Variants in CCDC171 observed in about 807,000 individuals in gnomAD.
CCDC171 encodes coiled-coil domain-containing protein 171.
Under a neutral mutation model 168.2 loss-of-function variants are expected in CCDC171, and 177 were observed. The ratio of observed to expected loss-of-function variants is 1.05; its 90% CI spans 0.93 to 1.19. The LOEUF is 1.19. CCDC171 is among the 50% of genes most tolerant of loss of function. The pLI, the probability that CCDC171 is intolerant of heterozygous loss-of-function variation, is 0.00. For synonymous variants in CCDC171, 687 were observed against 540.8 expected (o/e 1.27, Z -3.75); for missense variants, 1,991 against 1,539.0 (o/e 1.29, Z -4.91).
At chr9:15,988,640 C>T (rs1229620760) in intron 3 of CCDC171, among the ~76,000 whole-genome samples, 2 of 152,200 alleles carry the variant, frequency 1.3e-5, no homozygotes, top group Non-Finnish European at 2.9e-5. Flanking sequence ...CATCGCCTCA[C>T]CCGGGAAGCA....
At chr9:15,677,924 AT>A (rs374727580) in intron 9 of CCDC171, among the ~76,000 whole-genome samples, 760 of 24,376 alleles carry the variant, frequency 0.031, 133 homozygotes, top group Middle Eastern at 0.087. Flanking sequence ...ATATATATAT[AT>A]AAGAGATGTG....
rs557146198 is a variant in CCDC171, at chr9:15,623,161, T to C, written c.676-106T>C. ...TTTGCCTATATAAATTAACCTATTATTATAGTTGAAGCACAGATTTAGTTA... is the reference window on the plus strand; with the variant it reads ...TTTGCCTATATAAATTAACCTATTACTATAGTTGAAGCACAGATTTAGTTA... On this transcript the variant is annotated intron_variant, in intron 6 of 25. Coordinates refer to ENST00000380701, the MANE Select transcript of CCDC171 (RefSeq NM_173550.4). The C allele has an allele frequency of 1.7e-5, 12 of 694,266 alleles. No homozygotes were observed. The East Asian group carries it at 2.6e-4, about 15-fold the overall frequency. 43.0% of individuals were successfully genotyped at this position (694,266 alleles called of 1,614,324 possible). A position where few individuals can be genotyped will look rare whatever the true frequency, so the allele number is the denominator to read the frequency against.
chr9:15,754,369 T>C (rs1376341221), intron 18 of CCDC171, among the ~76,000 whole-genome samples: 1 of 152,140 alleles, frequency 6.6e-6, no homozygotes, highest in Non-Finnish European at 1.5e-5. Flanking sequence ...AATGAAGATA[T>C]TATCTTCCTC....
chr9:15,987,384 T>C (rs1385495043), intron 3 of CCDC171, among the ~76,000 whole-genome samples: 1 of 151,912 alleles, frequency 6.6e-6, no homozygotes, highest in Non-Finnish European at 1.5e-5. Flanking sequence ...AACTTACCCA[T>C]GTAATAAACC....
At chr9:16,071,576 G>T in the CCDC171 span, among the ~76,000 whole-genome samples, 1 of 152,192 alleles carries the variant, frequency 6.6e-6, no homozygotes, top group African/African-American at 2.4e-5. Flanking sequence ...ATTCCCACAT[G>T]TGCGTCATGC....
chr9:15,956,988 G>A (rs1342271067), intron 25 of CCDC171, among the ~76,000 whole-genome samples: 1 of 150,014 alleles, frequency 6.7e-6, no homozygotes. Flanking sequence ...CAGTAGGGCC[G>A]AAAGAACTGA....
the CCDC171 span, among the ~76,000 whole-genome samples, chr9:16,094,183 G>C: frequency 1.3e-5 from 2 of 152,160 alleles, no homozygotes; most frequent in African/African-American, 4.8e-5. Flanking sequence ...CTTGGAAAGC[G>C]GGGTGGGCCC....
chr9:15,764,793 C>T (rs2056633736), intron 18 of CCDC171, among the ~76,000 whole-genome samples: 1 of 152,130 alleles, frequency 6.6e-6, no homozygotes, highest in Non-Finnish European at 1.5e-5. Flanking sequence ...GATTTTAACC[C>T]TGGTTGTACA....
At chr9:15,725,573 C>T (rs1035577841) in intron 14 of CCDC171, among the ~76,000 whole-genome samples, 9 of 152,152 alleles carry the variant, frequency 5.9e-5, no homozygotes, top group Admixed American at 5.9e-4. Context: ...CCCCAGCCTC[C>T]TGAGTAGCTG....
chr9:15,570,725 A>G (rs1249705054), intron 2 of CCDC171, among the ~76,000 whole-genome samples: 3 of 152,244 alleles, frequency 2.0e-5, no homozygotes, highest in Admixed American at 1.3e-4. Flanking sequence ...CTTGACTGCC[A>G]TCGTTCTGGC....
downstream of CCDC171, among the ~76,000 whole-genome samples, chr9:16,064,853 C>T (rs1023549350): frequency 1.3e-5 from 2 of 152,154 alleles, no homozygotes; most frequent in Admixed American, 6.5e-5. Flanking sequence ...TGAGAGCCCT[C>T]GAAGTTCATG....
intron 24 of CCDC171, among the ~76,000 whole-genome samples, chr9:15,899,966 T>G (rs144850402): frequency 6.6e-6 from 1 of 152,344 alleles, no homozygotes; most frequent in Non-Finnish European, 1.5e-5. Flanking sequence ...TATATTTTCT[T>G]CTAAAAGTTT....
At chr9:15,571,906 A>C (rs1323036412) in intron 3 of CCDC171, 147 bp downstream of exon 3, 1 of 645,908 alleles carries the variant, frequency 1.5e-6, no homozygotes, top group South Asian at 2.3e-5. Flanking sequence ...ACATAATTTT[A>C]AAATGTAGTG....
intron 23 of CCDC171, among the ~76,000 whole-genome samples, chr9:15,858,122 A>G (rs2061416135): frequency 6.6e-6 from 1 of 151,784 alleles, no homozygotes; most frequent in African/African-American, 2.4e-5. Flanking sequence ...GGTTCAATCA[A>G]TTCTCCCGCC....
At chr9:15,564,557 T>G (rs984171070) in intron 2 of CCDC171, among the ~76,000 whole-genome samples, 2 of 152,270 alleles carry the variant, frequency 1.3e-5, no homozygotes, top group South Asian at 4.1e-4. Context: ...TGTTGCTGTT[T>G]CGCTTCCTTA....
At chr9:15,563,715 C>T (rs1246764532) in intron 1 of CCDC171, among the ~76,000 whole-genome samples, 1 of 152,122 alleles carries the variant, frequency 6.6e-6, no homozygotes, top group Non-Finnish European at 1.5e-5. Flanking sequence ...TTCAGTCAGC[C>T]ACGTGAATCA....
At chr9:15,992,628 C>G (rs1296874918) in intron 3 of CCDC171, among the ~76,000 whole-genome samples, 1 of 152,138 alleles carries the variant, frequency 6.6e-6, no homozygotes, top group African/African-American at 2.4e-5. Context: ...AAAGGGTATT[C>G]AACTACGAAA....
chr9:15,695,389 C>T, intron 11 of CCDC171, 52 bp downstream of exon 11: 1 of 1,401,546 alleles, frequency 7.1e-7, no homozygotes, highest in Non-Finnish European at 1.0e-6. Context: ...TCCAAAGTCA[C>T]TACATTTTGG....
chr9:15,568,799 A>G (rs764055976), intron 2 of CCDC171, among the ~76,000 whole-genome samples: 2 of 152,222 alleles, frequency 1.3e-5, no homozygotes, highest in Non-Finnish European at 2.9e-5. Flanking sequence ...GCTGGATATT[A>G]GACCTTTGTC....
Sources: allele counts gnomAD v4.1 joint callset (sites outside exome capture counted in the v4.1 genomes callset), GRCh38; gene constraint gnomAD v4.1.1; transcripts MANE v1.5; gene names NCBI Gene and HGNC (gene_info 2026-07-23, HGNC 2026-07-21).